TRAP1: variants seen among roughly 807,000 people sequenced by gnomAD.
TRAP1 encodes TNF receptor associated protein 1.
Under a neutral mutation model 89.1 loss-of-function variants are expected in TRAP1, and 102 were observed. That is an observed-to-expected ratio of 1.15 (90% CI 0.98 to 1.35). The LOEUF (loss-of-function observed/expected upper bound fraction) is 1.35, where lower values mean the gene tolerates loss of function less well. Among genes scored for constraint, TRAP1 ranks in the 40% most tolerant of loss-of-function variants. TRAP1 has a pLI of 0.00. For synonymous variants in TRAP1, 508 were observed against 388.0 expected (o/e 1.31, Z -3.64); for missense variants, 1,256 against 945.3 (o/e 1.33, Z -4.31).
chr16:3,679,952 G>A (rs891606274), intron 4 of TRAP1, 162 bp from the exon 5 acceptor site: 17 of 655,410 alleles, frequency 2.6e-5, no homozygotes, highest in African/African-American at 1.4e-4. Context: ...TCTAGGGGCC[G>A]GGAGTGATGG....
chr16:3,668,921 C>A (rs946072437), intron 11 of TRAP1, among the ~76,000 whole-genome samples: 3 of 152,234 alleles, frequency 2.0e-5, no homozygotes, highest in African/African-American at 7.2e-5. Flanking sequence ...GCAGCCGCCT[C>A]GGCCCGCAGG....
chr16:3,690,882 G>GGCGGTCT lies in TRAP1; in HGVS notation c.185_191dup (p.Glu65AspfsTer27). Reference sequence around the variant, plus strand: ...AGTGCAGGGGTTCCTCCTTGTCCTCGGCGGTCTGCGTGCTGAACAGTCGTC... The same window carrying GGCGGTCT: ...AGTGCAGGGGTTCCTCCTTGTCCTCGGCGGTCTGCGGTCTGCGTGCTGAACAGTCGTC... On this transcript the variant is annotated frameshift_variant, in exon 2 of 18. Coordinates refer to ENST00000246957, the MANE Select transcript of TRAP1 (RefSeq NM_016292.3). LOFTEE classifies it high-confidence loss of function. The GGCGGTCT allele has an allele frequency of 6.3e-7, 1 of 1,586,154 alleles. No homozygotes were observed. Among genetic ancestry groups the GGCGGTCT allele is most frequent in the Non-Finnish European group, 8.6e-7 (1 of 1,166,460 alleles).
At chr16:3,667,805 CTG>C (rs2050856681) in intron 11 of TRAP1, among the ~76,000 whole-genome samples, 1 of 148,710 alleles carries the variant, frequency 6.7e-6, no homozygotes, top group Non-Finnish European at 1.5e-5. Flanking sequence ...GTCCCCCAGG[CTG>C]GAGTGCAGTG....
chr16:3,670,081 T>C (rs535756610), intron 11 of TRAP1, among the ~76,000 whole-genome samples: 5 of 151,516 alleles, frequency 3.3e-5, no homozygotes, highest in East Asian at 2.0e-4. Flanking sequence ...ATGAATTCAA[T>C]TGCATGAAAA....
intron 1 of TRAP1, among the ~76,000 whole-genome samples, chr16:3,708,631 C>T (rs537750463): frequency 8.1e-4 from 122 of 149,808 alleles, no homozygotes; most frequent in African/African-American, 2.9e-3. Flanking sequence ...AGCGAGACTC[C>T]ATCTCAAAAT....
At chr16:3,693,710 G>C (rs1168785810) in intron 1 of TRAP1, among the ~76,000 whole-genome samples, 3 of 152,106 alleles carry the variant, frequency 2.0e-5, no homozygotes, top group South Asian at 2.1e-4. Context: ...CCACAGTTCT[G>C]AGCCAGGCAC....
At chr16:3,688,827 T>C (rs1397931359) in intron 3 of TRAP1, among the ~76,000 whole-genome samples, 1 of 152,146 alleles carries the variant, frequency 6.6e-6, no homozygotes, top group Non-Finnish European at 1.5e-5. Flanking sequence ...ATTCAATTAA[T>C]TCCCAGAGTT....
chr16:3,662,143 A>C lies in TRAP1; in HGVS notation c.1795-11T>G. On this transcript the variant is annotated splice_polypyrimidine_tract_variant and intron_variant, in intron 15 of 17. Coordinates refer to ENST00000246957, the MANE Select transcript of TRAP1 (RefSeq NM_016292.3). The stretch of plus-strand genomic sequence containing the variant: ...CAGTCGGAGGGTCACCTGTGAGCAA[A>C]GCCCGGGGTTGAGGGTGATAGAGGT... 1 of 1,608,670 alleles carries C rather than the reference A, an allele frequency of 6.2e-7. No homozygotes were observed. Among genetic ancestry groups the C allele is most frequent in the Non-Finnish European group, 8.5e-7 (1 of 1,177,166 alleles).
chr16:3,707,961 G>C (rs1443896830), intron 1 of TRAP1, among the ~76,000 whole-genome samples: 1 of 152,046 alleles, frequency 6.6e-6, no homozygotes, highest in Non-Finnish European at 1.5e-5. Context: ...GAAGTAGGAG[G>C]ATCACTTGAG....
rs140622851 is a variant in TRAP1, at chr16:3,662,128, G to A, written c.1799C>T (p.Thr600Ile). ...LGSRVTNVKV[T>I]LRLDTHPAMV... ...GGCAGGGTGGGTGTCCAGTCGGAGG[G>A]TCACCTGTGAGCAAAGCCCGGGGTT... is the stretch of plus-strand genomic sequence containing the variant. Residue 600 changes from threonine to isoleucine, a missense_variant, in exon 16 of 18, where the codon ACC becomes ATC. Coordinates refer to ENST00000246957, the MANE Select transcript of TRAP1 (RefSeq NM_016292.3). The A allele has an allele frequency of 9.4e-5, 152 of 1,611,670 alleles. No homozygotes were observed. The East Asian group carries it at 9.8e-4, about 10-fold the overall frequency.
chr16:3,698,598 G>T lies in TRAP1; in HGVS notation c.89-7613C>A, dbSNP rs112272129. Among the ~76,000 whole-genome samples, 6 of 150,330 alleles carry T rather than the reference G, an allele frequency of 4.0e-5. No individual in the cohort carries two copies. In the East Asian group the frequency reaches 1.2e-3, roughly 31 times the overall value. ...ATTACAGGCGTGAGCCACCGCGCCC[G>T]GCTTCTACAACAACTTTTAATCACT... On this transcript the variant is annotated intron_variant, in intron 1 of 17. Coordinates refer to ENST00000246957, the MANE Select transcript of TRAP1 (RefSeq NM_016292.3).
rs556827830 is a variant in TRAP1 at position 3,683,616 on chromosome 16, C to T, written c.471+2380G>A. On this transcript the variant is annotated intron_variant, in intron 4 of 17. Coordinates refer to ENST00000246957, the MANE Select transcript of TRAP1 (RefSeq NM_016292.3). ...GGCCAGGCTGGTCTTGAACTCCTGA[C>T]CTCAGGTGATCCGCCCACCTTGGCC... is the stretch of plus-strand genomic sequence containing the variant. 1.6e-4 allele frequency among the ~76,000 whole-genome samples: 24 copies of T among 151,776 alleles called. No individual in the cohort carries two copies. In the South Asian group the frequency reaches 4.4e-3, roughly 28 times the overall value.
intron 1 of TRAP1, among the ~76,000 whole-genome samples, chr16:3,716,395 C>T (rs1435728852): frequency 6.6e-6 from 1 of 152,196 alleles, no homozygotes. Flanking sequence ...TTTAAGTACT[C>T]ACCCATTCTA....
chr16:3,679,865 G>C, intron 4 of TRAP1, 75 bp from the exon 5 acceptor site: 2 of 1,444,312 alleles, frequency 1.4e-6, no homozygotes, highest in Non-Finnish European at 1.9e-6. Flanking sequence ...CAGTCCCAGG[G>C]ACTCAAGTGG....
chr16:3,691,388 T>C (rs2051212389), intron 1 of TRAP1, among the ~76,000 whole-genome samples: 1 of 152,174 alleles, frequency 6.6e-6, no homozygotes, highest in South Asian at 2.1e-4. Context: ...CCATAATTTT[T>C]TAAAAAATTT....
At chr16:3,667,684 T>C (rs2151247092) in intron 11 of TRAP1, among the ~76,000 whole-genome samples, 1 of 151,054 alleles carries the variant, frequency 6.6e-6, no homozygotes, top group East Asian at 1.9e-4. Context: ...GATAGCAAGA[T>C]TATAAACTCT....
rs1478013745 is a variant in TRAP1 at position 3,677,511 on chromosome 16, A to G, written c.691T>C (p.Trp231Arg). 28 of 1,614,060 alleles carry G rather than the reference A, an allele frequency of 1.7e-5. No individual in the cohort carries two copies. The highest frequency in any genetic ancestry group is 2.3e-5 in the Non-Finnish European group (27 of 1,180,038). Residue 231 changes from tryptophan to arginine, a missense_variant, in exon 6 of 18, where the codon TGG (tryptophan) becomes CGG (arginine). Transcript: ENST00000246957. ...TTCGTCACTCACCCATCTGAAAGCC[A>G]CTGGTAACCCAGGCTCCCCGGGGCT... ...SAAPGSLGYQ[W>R]LSDGSGVFEI...
intron 1 of TRAP1, among the ~76,000 whole-genome samples, chr16:3,692,149 C>T (rs1159732528): frequency 1.3e-5 from 2 of 152,182 alleles, no homozygotes; most frequent in Non-Finnish European, 2.9e-5. Context: ...CTAAATGAAC[C>T]GCATCTAACT....
intron 1 of TRAP1, among the ~76,000 whole-genome samples, chr16:3,708,532 G>T (rs2051482100): frequency 6.6e-6 from 1 of 152,140 alleles, no homozygotes; most frequent in African/African-American, 2.4e-5. Flanking sequence ...AGCTACTAGG[G>T]AGGCTGAGGC....
Sources: allele counts gnomAD v4.1 joint callset (sites outside exome capture counted in the v4.1 genomes callset), GRCh38; gene constraint gnomAD v4.1.1; transcripts MANE v1.5; gene names NCBI Gene and HGNC (gene_info 2026-07-23, HGNC 2026-07-21).